The following ERC2 variants were observed in gnomAD, a reference collection of about 807,000 sequenced individuals.
The protein encoded by ERC2 is ERC protein 2.
In ERC2, 42 loss-of-function variants were observed where a neutral mutation model predicts 114.8. The observed-to-expected ratio is 0.37, with a 90% CI of 0.29 to 0.47. The LOEUF (loss-of-function observed/expected upper bound fraction) is 0.47. ERC2 is among the 20% of genes least tolerant of loss of function. ERC2 has a pLI of 0.99. For missense variants in ERC2, 939 were observed against 1,150.7 expected (o/e 0.82, Z 2.66); for synonymous variants, 454 against 425.5 (o/e 1.07, Z -0.82).
chr3:55,902,987 A>T (rs1237503426), intron 13 of ERC2, among the ~76,000 whole-genome samples: 1 of 152,232 alleles, frequency 6.6e-6, no homozygotes, highest in East Asian at 1.9e-4. Context: ...TTTCTGGATT[A>T]TCTTGATTCA....
intron 2 of ERC2, among the ~76,000 whole-genome samples, chr3:56,346,114 G>T (rs1299205145): frequency 6.6e-6 from 1 of 152,030 alleles, no homozygotes; most frequent in Non-Finnish European, 1.5e-5. Flanking sequence ...ATTCCATTTT[G>T]GCTTCTTATG....
chr3:55,853,994 G>A (rs1312508399), intron 14 of ERC2, among the ~76,000 whole-genome samples: 4 of 152,146 alleles, frequency 2.6e-5, no homozygotes, highest in Non-Finnish European at 5.9e-5. Context: ...CACGAAGCAG[G>A]CCCAGCGCGG....
chr3:56,293,095 T>C (rs1157929513), intron 3 of ERC2, among the ~76,000 whole-genome samples: 2 of 147,984 alleles, frequency 1.4e-5, no homozygotes, highest in East Asian at 3.9e-4. Flanking sequence ...GATGGATTAA[T>C]GAATGAATGA....
At chr3:56,263,894 C>T (rs935170459) in intron 3 of ERC2, among the ~76,000 whole-genome samples, 5 of 151,964 alleles carry the variant, frequency 3.3e-5, no homozygotes, top group African/African-American at 7.3e-5. Flanking sequence ...AACATAGAAG[C>T]AAAAATCCTC....
intron 14 of ERC2, among the ~76,000 whole-genome samples, chr3:55,825,273 T>A (rs2060280113): frequency 6.6e-6 from 1 of 152,178 alleles, no homozygotes; most frequent in Admixed American, 6.5e-5. Context: ...TATACCTGAG[T>A]CTTGGGCTGG....
At chr3:56,232,753 T>C (rs536355809) in intron 3 of ERC2, among the ~76,000 whole-genome samples, 1 of 152,356 alleles carries the variant, frequency 6.6e-6, no homozygotes, top group Non-Finnish European at 1.5e-5. Context: ...TTAAAATGTT[T>C]CCATGGATTC....
At chr3:55,738,340 A>G (rs1313317674) in intron 14 of ERC2, among the ~76,000 whole-genome samples, 2 of 152,192 alleles carry the variant, frequency 1.3e-5, no homozygotes, top group African/African-American at 4.8e-5. Context: ...GACAGGATGA[A>G]TAAGACATTT....
chr3:55,636,068 G>T (rs2059947751), intron 17 of ERC2, among the ~76,000 whole-genome samples: 2 of 151,446 alleles, frequency 1.3e-5, no homozygotes, highest in Admixed American at 6.6e-5. Flanking sequence ...TAGAGGCGGG[G>T]TTTCACCATA....
chr3:56,212,028 G>A (rs997237414), intron 3 of ERC2, among the ~76,000 whole-genome samples: 1 of 151,992 alleles, frequency 6.6e-6, no homozygotes, highest in Non-Finnish European at 1.5e-5. Flanking sequence ...TCTAGACATT[G>A]GCTTAGGCAA....
chr3:56,051,101 C>T (rs533037575), intron 7 of ERC2, among the ~76,000 whole-genome samples: 2 of 152,260 alleles, frequency 1.3e-5, no homozygotes, highest in African/African-American at 4.8e-5. Context: ...GCAGGTGGGA[C>T]CTATTTACAG....
chr3:55,775,924 A>G (rs1195270307), intron 14 of ERC2, among the ~76,000 whole-genome samples: 5 of 152,204 alleles, frequency 3.3e-5, no homozygotes, highest in Admixed American at 2.6e-4. Flanking sequence ...CAACATTTGC[A>G]TAATCCATCT....
chr3:56,158,443 G>T (rs1322842781), intron 4 of ERC2, among the ~76,000 whole-genome samples: 1 of 152,074 alleles, frequency 6.6e-6, no homozygotes, highest in Non-Finnish European at 1.5e-5. Flanking sequence ...TCTCTCTGGT[G>T]GTCCTTGCTC....
intron 3 of ERC2, among the ~76,000 whole-genome samples, chr3:56,224,339 A>T (rs1249496858): frequency 6.6e-6 from 1 of 152,200 alleles, no homozygotes; most frequent in African/African-American, 2.4e-5. Context: ...GGGCACACAC[A>T]AAAAAACCAA....
intron 14 of ERC2, among the ~76,000 whole-genome samples, chr3:55,851,151 T>C (rs1345009261): frequency 7.1e-6 from 1 of 140,470 alleles, no homozygotes; most frequent in Non-Finnish European, 1.6e-5. Flanking sequence ...AAAACTTACT[T>C]CCATCTCTAA....
chr3:55,924,343 A>G (rs1281196496), intron 13 of ERC2, among the ~76,000 whole-genome samples: 1 of 152,068 alleles, frequency 6.6e-6, no homozygotes, highest in African/African-American at 2.4e-5. Flanking sequence ...CTACAGACAA[A>G]TGAATGGGCA....
chr3:56,297,229 A>C (rs949203952), intron 2 of ERC2, among the ~76,000 whole-genome samples: 1 of 152,106 alleles, frequency 6.6e-6, no homozygotes, highest in Non-Finnish European at 1.5e-5. Flanking sequence ...AAGAAGAAAA[A>C]AAAAAAGAAA....
At chr3:55,524,810 A>T (rs928223874) in intron 17 of ERC2, among the ~76,000 whole-genome samples, 1 of 152,178 alleles carries the variant, frequency 6.6e-6, no homozygotes, top group Non-Finnish European at 1.5e-5. Context: ...GAGGAATTAC[A>T]GTTTTTATTC....
At chr3:55,753,747 T>G in intron 14 of ERC2, among the ~76,000 whole-genome samples, 1 of 152,178 alleles carries the variant, frequency 6.6e-6, no homozygotes, top group Admixed American at 6.5e-5. Flanking sequence ...CATTGAGAGA[T>G]CTGACAATAA....
At chr3:55,559,884 G>A (rs770423303) in intron 17 of ERC2, among the ~76,000 whole-genome samples, 30 of 152,226 alleles carry the variant, frequency 2.0e-4, no homozygotes, top group African/African-American at 6.5e-4. Context: ...GAAACAGAGC[G>A]CTAGCCCACA....
Sources: allele counts gnomAD v4.1 joint callset (sites outside exome capture counted in the v4.1 genomes callset), GRCh38; gene constraint gnomAD v4.1.1; transcripts MANE v1.5; gene names NCBI Gene and HGNC (gene_info 2026-07-23, HGNC 2026-07-21).